The following TMEM123 variants were observed in gnomAD, a reference collection of about 807,000 sequenced individuals.
TMEM123 encodes the protein porimin.
In TMEM123, 16 loss-of-function variants were observed where a neutral mutation model predicts 19.7. The observed-to-expected ratio is 0.81, with a 90% CI of 0.55 to 1.23. The LOEUF (loss-of-function observed/expected upper bound fraction) is 1.23, where lower values mean the gene tolerates loss of function less well. Among genes scored for constraint, TMEM123 ranks in the 50% most tolerant of loss-of-function variants. The probability of loss-of-function intolerance (pLI) is 0.00; values close to 1 mark genes in which losing one functional copy is unlikely to be tolerated. For synonymous variants in TMEM123, 118 were observed against 99.4 expected (o/e 1.19, Z -1.12); for missense variants, 313 against 257.8 (o/e 1.21, Z -1.47).
chr11:102,409,087 G>A (rs1234773727), intron 2 of TMEM123, among the ~76,000 whole-genome samples: 1 of 152,026 alleles, frequency 6.6e-6, no homozygotes. Context: ...ATGACAATTT[G>A]TTTTCATCAG....
chr11:102,420,754 GCTGA>G (rs1952078928), intron 2 of TMEM123, among the ~76,000 whole-genome samples: 1 of 152,178 alleles, frequency 6.6e-6, no homozygotes, highest in Non-Finnish European at 1.5e-5. Context: ...TTAACACATT[GCTGA>G]CTAAGAATGA....
At chr11:102,440,130 A>G (rs949445241) in intron 2 of TMEM123, among the ~76,000 whole-genome samples, 5 of 152,206 alleles carry the variant, frequency 3.3e-5, no homozygotes, top group African/African-American at 4.8e-5. Context: ...ACTCTTCAGG[A>G]TATTATCCAG....
intron 2 of TMEM123, among the ~76,000 whole-genome samples, chr11:102,445,969 G>C (rs529482775): frequency 1.3e-5 from 2 of 152,298 alleles, no homozygotes; most frequent in East Asian, 3.9e-4. Context: ...CTTTGGAAAG[G>C]AGTTGGTGCA....
Position 102,452,717 on chromosome 11 carries a change from T to G in TMEM123, c.-94A>C. On this transcript the variant is annotated 5_prime_UTR_variant, in exon 1 of 5. Transcript: ENST00000398136. ...TCTGCGCAGCCGGCGCCGGCTCCGC[T>G]TCCCCTTCGGCCGCGCACGTTTCCC... 2.0e-6 allele frequency: 2 copies of G among 989,466 alleles called. No homozygotes were observed. The highest frequency in any genetic ancestry group is 1.7e-5 in the African/African-American group (1 of 58,984). 61.3% of individuals were successfully genotyped at this position (989,466 alleles called of 1,614,324 possible).
At chr11:102,431,245 A>G (rs1591562863) in intron 2 of TMEM123, among the ~76,000 whole-genome samples, 1 of 152,248 alleles carries the variant, frequency 6.6e-6, no homozygotes, top group East Asian at 1.9e-4. Flanking sequence ...CTAAATAAAT[A>G]TAGGCATTAC....
At chr11:102,433,774 G>A (rs1857735792) in intron 2 of TMEM123, among the ~76,000 whole-genome samples, 1 of 151,592 alleles carries the variant, frequency 6.6e-6, no homozygotes, top group African/African-American at 2.4e-5. Context: ...TCATAGGGGT[G>A]GTTTCCCCTA....
chr11:102,410,106 TACC>T (rs1215514089), intron 2 of TMEM123, among the ~76,000 whole-genome samples: 2 of 152,342 alleles, frequency 1.3e-5, no homozygotes, highest in Admixed American at 1.3e-4. Flanking sequence ...GTAAATTTAC[TACC>T]ACATTTTAGT....
chr11:102,426,743 T>C (rs2135855127), intron 2 of TMEM123, among the ~76,000 whole-genome samples: 1 of 150,936 alleles, frequency 6.6e-6, no homozygotes, highest in Non-Finnish European at 1.5e-5. Flanking sequence ...AAGTAAGGTA[T>C]GCAAAGATCT....
intron 2 of TMEM123, among the ~76,000 whole-genome samples, chr11:102,426,859 T>TC (rs57729827): frequency 0.077 from 318 of 4,146 alleles, 96 homozygotes; most frequent in African/African-American, 0.11. Context: ...TTAAAGTAGT[T>TC]CCCCCCCCCC....
chr11:102,435,282 G>A (rs368407327), intron 2 of TMEM123, among the ~76,000 whole-genome samples: 1 of 151,810 alleles, frequency 6.6e-6, no homozygotes. Context: ...TTAAAAAATG[G>A]CAAAGGACTT....
chr11:102,446,790 T>C (rs999838486), intron 2 of TMEM123, among the ~76,000 whole-genome samples: 1 of 152,232 alleles, frequency 6.6e-6, no homozygotes, highest in African/African-American at 2.4e-5. Context: ...TAAGGAGTAC[T>C]GCAGGCAGTC....
At chr11:102,433,260 T>C (rs533907894) in intron 2 of TMEM123, among the ~76,000 whole-genome samples, 1 of 152,092 alleles carries the variant, frequency 6.6e-6, no homozygotes, top group African/African-American at 2.4e-5. Context: ...GGGGCTGTAC[T>C]CTGCAAAGCC....
chr11:102,415,031 CAG>C (rs1952033124), intron 2 of TMEM123, among the ~76,000 whole-genome samples: 4 of 152,096 alleles, frequency 2.6e-5, no homozygotes. Context: ...CAAAAAACAA[CAG>C]AGGTTGCTAT....
At chr11:102,442,781 G>C (rs964142544) in intron 2 of TMEM123, among the ~76,000 whole-genome samples, 1 of 152,178 alleles carries the variant, frequency 6.6e-6, no homozygotes, top group Non-Finnish European at 1.5e-5. Flanking sequence ...TGACATGATT[G>C]TATATTTAGA....
chr11:102,449,903 G>C (rs1321648624), intron 1 of TMEM123, among the ~76,000 whole-genome samples: 1 of 152,196 alleles, frequency 6.6e-6, no homozygotes, highest in East Asian at 1.9e-4. Flanking sequence ...GCAGAGACTG[G>C]AATTGGACCA....
intron 2 of TMEM123, among the ~76,000 whole-genome samples, chr11:102,419,439 G>A (rs2567754): frequency 6.6e-6 from 1 of 152,140 alleles, no homozygotes; most frequent in Non-Finnish European, 1.5e-5. Flanking sequence ...ACCTCCAGAA[G>A]GAGTTTTAAA....
chr11:102,408,220 G>A (rs1418292635), intron 2 of TMEM123, among the ~76,000 whole-genome samples: 4 of 152,180 alleles, frequency 2.6e-5, no homozygotes, highest in African/African-American at 7.2e-5. Context: ...CCCAGCAGCT[G>A]CAGTGTTCAG....
intron 2 of TMEM123, among the ~76,000 whole-genome samples, chr11:102,443,938 T>C (rs979277628): frequency 2.0e-5 from 3 of 151,986 alleles, no homozygotes; most frequent in African/African-American, 7.3e-5. Context: ...AACAGACACA[T>C]GAAAAAATGC....
intron 2 of TMEM123, among the ~76,000 whole-genome samples, chr11:102,447,993 A>G (rs955810267): frequency 6.6e-6 from 1 of 152,228 alleles, no homozygotes; most frequent in African/African-American, 2.4e-5. Flanking sequence ...TGTCATGTAT[A>G]TTTTGCCACA....
Sources: gnomAD v4.1 joint callset for allele counts (sites outside exome capture counted in the v4.1 genomes callset) on GRCh38, gnomAD v4.1.1 for gene constraint, MANE v1.5 for transcripts, NCBI Gene and HGNC (gene_info 2026-07-23, HGNC 2026-07-21) for gene names.